Variants in SEMA5A observed in about 807,000 individuals in gnomAD.
SEMA5A encodes the protein semaphorin-5A.
In SEMA5A, 55 loss-of-function variants were observed where a neutral mutation model predicts 135.5. The observed-to-expected ratio is 0.41, with a 90% CI of 0.33 to 0.51. The LOEUF is 0.51. SEMA5A is among the 20% of genes least tolerant of loss of function. SEMA5A has a pLI of 0.37. For synonymous variants in SEMA5A, 580 were observed against 546.5 expected (o/e 1.06, Z -0.85); for missense variants, 1,290 against 1,419.9 (o/e 0.91, Z 1.47).
At chr5:9,510,943 C>T (rs1463660107) in intron 1 of SEMA5A, among the ~76,000 whole-genome samples, 3 of 152,196 alleles carry the variant, frequency 2.0e-5, no homozygotes, top group Non-Finnish European at 4.4e-5. Flanking sequence ...ATTCGGCCTG[C>T]CATGCCCATT....
chr5:9,429,462 A>G (rs2126651947), intron 2 of SEMA5A, among the ~76,000 whole-genome samples: 1 of 152,364 alleles, frequency 6.6e-6, no homozygotes, highest in Non-Finnish European at 1.5e-5. Context: ...TAGAGCTTAC[A>G]TGAGAAGGCA....
intron 13 of SEMA5A, 54 bp downstream of exon 13, chr5:9,136,450 G>T: frequency 1.4e-6 from 2 of 1,454,644 alleles, no homozygotes; most frequent in Non-Finnish European, 1.9e-6. Flanking sequence ...ATCGCCAGGG[G>T]AGCATGGCTC....
chr5:9,197,383 G>C, intron 9 of SEMA5A, 80 bp from the exon 10 acceptor site: 1 of 1,520,450 alleles, frequency 6.6e-7, no homozygotes, highest in Non-Finnish European at 8.9e-7. Flanking sequence ...CTGGGCAGCA[G>C]CTGTGACCTA....
chr5:9,437,248 C>G (rs1758066031), intron 2 of SEMA5A, among the ~76,000 whole-genome samples: 1 of 152,212 alleles, frequency 6.6e-6, no homozygotes, highest in Non-Finnish European at 1.5e-5. Context: ...CTTCGGGTTC[C>G]TGAGTGATGT....
chr5:9,122,872 G>A lies in SEMA5A; in HGVS notation c.1600-35C>T, dbSNP rs527531354. 9 of 1,539,270 alleles carry A rather than the reference G, an allele frequency of 5.8e-6. No individual in the cohort carries two copies. The African/African-American group carries it at 1.2e-4, about 21-fold the overall frequency. ...AAAACCAAGCAGAGGTGTCAGAAAA[G>A]GTTAAAGCTGAACACATAATGGAGT... On this transcript the variant is annotated intron_variant, in intron 13 of 22. Transcript: ENST00000382496.
At chr5:9,456,310 A>G (rs1579570558) in intron 1 of SEMA5A, among the ~76,000 whole-genome samples, 1 of 152,332 alleles carries the variant, frequency 6.6e-6, no homozygotes, top group East Asian at 1.9e-4. Flanking sequence ...CTCTTCTGCA[A>G]CTGGCTGCTT....
At chr5:9,098,632 T>C (rs1485816430) in intron 16 of SEMA5A, among the ~76,000 whole-genome samples, 1 of 152,228 alleles carries the variant, frequency 6.6e-6, no homozygotes, top group African/African-American at 2.4e-5. Flanking sequence ...ACCAGAGACA[T>C]GGGTTCCATC....
intron 16 of SEMA5A, among the ~76,000 whole-genome samples, chr5:9,093,519 G>A (rs555635781): frequency 2.6e-4 from 39 of 151,862 alleles, no homozygotes; most frequent in African/African-American, 9.2e-4. Context: ...CCAGCCTGAC[G>A]AATATGGTGA....
intron 20 of SEMA5A, 62 bp from the exon 21 acceptor site, chr5:9,050,519 T>C (rs1736512418): frequency 7.4e-7 from 1 of 1,353,524 alleles, no homozygotes; most frequent in Non-Finnish European, 1.0e-6. Context: ...TCCACATTCA[T>C]GCTTCATGTA....
chr5:9,541,187 A>G (rs372858894), intron 1 of SEMA5A, among the ~76,000 whole-genome samples: 8 of 152,328 alleles, frequency 5.3e-5, no homozygotes, highest in African/African-American at 1.9e-4. Context: ...GTCTCAACAA[A>G]TATAGTATTA....
chr5:9,339,488 C>A (rs1195271046), intron 3 of SEMA5A, among the ~76,000 whole-genome samples: 11 of 152,222 alleles, frequency 7.2e-5, no homozygotes, highest in Admixed American at 2.6e-4. Flanking sequence ...TGCATTGCTC[C>A]CTGCAGTGCA....
rs1739978448 is a variant in SEMA5A, at chr5:9,107,388, C to T, written c.2073+752G>A. 5.3e-5 allele frequency among the ~76,000 whole-genome samples: 8 copies of T among 152,110 alleles called. No individual in the cohort carries two copies. In the South Asian group the frequency reaches 1.5e-3, roughly 28 times the overall value. On this transcript the variant is annotated intron_variant, in intron 16 of 22. Transcript: ENST00000382496. ...GGAGAAAAAAAAAAACATGCATTCT[C>T]TTTTATCCTCTCTGCATTGGCACCA... is the stretch of plus-strand genomic sequence containing the variant.
In SEMA5A at chr5:9,168,135, GA is replaced by G. The variant is rs563507066; in HGVS notation, c.1274-13441del. ...GTGAGATGGAGTGGGGTGGGGATCT[GA>G]AAAGGAAGGTGTGACAGGAGGAGAG... On this transcript the variant is annotated intron_variant, in intron 11 of 22. Transcript: ENST00000382496. Among the ~76,000 whole-genome samples the G allele has an allele frequency of 2.4e-3, 366 of 152,180 alleles. 2 individuals carry two copies. The highest frequency in any genetic ancestry group is 0.017 in the Middle Eastern group (5 of 294).
intron 12 of SEMA5A, among the ~76,000 whole-genome samples, chr5:9,145,795 C>T (rs1323777134): frequency 1.4e-5 from 2 of 140,098 alleles, no homozygotes; most frequent in African/African-American, 5.2e-5. Context: ...CCTGCCACCA[C>T]ATCCAGCTTT....
At chr5:9,395,341 T>C (rs10513007) in intron 2 of SEMA5A, among the ~76,000 whole-genome samples, 12,944 of 152,252 alleles carry the variant, frequency 0.085, 606 homozygotes, top group Non-Finnish European at 0.093. Flanking sequence ...TTCTCCAAAC[T>C]GAACGTGAAA....
chr5:9,179,062 T>C (rs1744361986), intron 11 of SEMA5A, among the ~76,000 whole-genome samples: 1 of 152,148 alleles, frequency 6.6e-6, no homozygotes, highest in Non-Finnish European at 1.5e-5. Context: ...GAATCAAGAT[T>C]ATGAAAAATC....
intron 1 of SEMA5A, among the ~76,000 whole-genome samples, chr5:9,453,402 T>C (rs1449277838): frequency 6.6e-6 from 1 of 152,156 alleles, no homozygotes; most frequent in Non-Finnish European, 1.5e-5. Context: ...GCCACATTTT[T>C]TGCACTCTTG....
At chr5:9,454,761 A>T (rs1758768549) in intron 1 of SEMA5A, among the ~76,000 whole-genome samples, 1 of 152,240 alleles carries the variant, frequency 6.6e-6, no homozygotes, top group Non-Finnish European at 1.5e-5. Context: ...AAGAACTATA[A>T]CCACTACCTT....
intron 1 of SEMA5A, among the ~76,000 whole-genome samples, chr5:9,479,794 T>C (rs1217776924): frequency 6.6e-6 from 1 of 152,168 alleles, no homozygotes; most frequent in Non-Finnish European, 1.5e-5. Context: ...TGGCAGGTAC[T>C]CCGGAGATGG....
Sources: gnomAD v4.1 joint callset for allele counts (sites outside exome capture counted in the v4.1 genomes callset) on GRCh38, gnomAD v4.1.1 for gene constraint, MANE v1.5 for transcripts, NCBI Gene and HGNC (gene_info 2026-07-23, HGNC 2026-07-21) for gene names.